MSH3: variants seen among roughly 807,000 people sequenced by gnomAD.
MSH3 encodes the protein mutS homolog 3.
Under a neutral mutation model 123.3 loss-of-function variants are expected in MSH3, and 106 were observed. That is an observed-to-expected ratio of 0.86 (90% CI 0.73 to 1.01). MSH3 has a LOEUF of 1.01. Among genes scored for constraint, MSH3 ranks in the 50% least tolerant of loss-of-function variants. MSH3 has a pLI of 0.00. For missense variants in MSH3, 1,459 were observed against 1,347.6 expected (o/e 1.08, Z -1.29); for synonymous variants, 515 against 481.4 (o/e 1.07, Z -0.91).
chr5:80,793,478 G>T (rs1034007037), intron 19 of MSH3, among the ~76,000 whole-genome samples: 3 of 152,198 alleles, frequency 2.0e-5, no homozygotes, highest in Non-Finnish European at 4.4e-5. Context: ...AGGAGACCAG[G>T]ATGGCCTGGG....
intron 19 of MSH3, among the ~76,000 whole-genome samples, chr5:80,804,855 G>GTT (rs141826035): frequency 0.03 from 4,554 of 152,298 alleles, 112 homozygotes; most frequent in South Asian, 0.14. Flanking sequence ...GGCTATCATT[G>GTT]TTTATACCAC....
intron 20 of MSH3, among the ~76,000 whole-genome samples, chr5:80,850,957 G>C (rs1431722492): frequency 6.6e-6 from 1 of 151,992 alleles, no homozygotes; most frequent in Admixed American, 6.6e-5. Context: ...CCTTTTTCTA[G>C]CAGACTCCTC....
At chr5:80,771,969 C>T (rs980639636) in intron 15 of MSH3, among the ~76,000 whole-genome samples, 25 of 151,912 alleles carry the variant, frequency 1.6e-4, no homozygotes, top group African/African-American at 5.3e-4. Flanking sequence ...ATGTAATGAA[C>T]GTATGTATGA....
intron 8 of MSH3, among the ~76,000 whole-genome samples, chr5:80,695,869 A>G (rs1186147398): frequency 6.6e-6 from 1 of 151,866 alleles, no homozygotes; most frequent in African/African-American, 2.4e-5. Flanking sequence ...TGGTATGATG[A>G]GTGATTTTTG....
chr5:80,809,833 A>G (rs1443507579), intron 19 of MSH3, among the ~76,000 whole-genome samples: 1 of 152,220 alleles, frequency 6.6e-6, no homozygotes, highest in African/African-American at 2.4e-5. Context: ...CCTAAATTAC[A>G]TAAATGTGTT....
intron 20 of MSH3, among the ~76,000 whole-genome samples, chr5:80,851,092 A>T (rs1229975532): frequency 6.6e-6 from 1 of 152,154 alleles, no homozygotes; most frequent in Non-Finnish European, 1.5e-5. Context: ...TTTTCATCAT[A>T]GTACTGTTTA....
At chr5:80,851,764 G>A (rs1469668057) in intron 20 of MSH3, among the ~76,000 whole-genome samples, 5 of 152,060 alleles carry the variant, frequency 3.3e-5, no homozygotes, top group Non-Finnish European at 4.4e-5. Flanking sequence ...GTTGGAATAT[G>A]GCTTATATAG....
intron 4 of MSH3, among the ~76,000 whole-genome samples, chr5:80,671,861 T>A (rs1749732937): frequency 6.6e-6 from 1 of 152,244 alleles, no homozygotes. Context: ...CTGCATACTC[T>A]GTAGTGTCTT....
rs180673741 is a variant in MSH3, at chr5:80,867,310, C to T, written c.3130+2368C>T. 3.3e-5 allele frequency among the ~76,000 whole-genome samples: 5 copies of T among 152,334 alleles called. No individual in the cohort carries two copies. The East Asian group carries it at 9.6e-4, about 29-fold the overall frequency. On this transcript the variant is annotated intron_variant, in intron 22 of 23. Transcript: ENST00000265081. ...ATCAGGCTAGTGACAATGACTGCAGCTCTTCCTGGCATCATGTCCAGAATG... is the reference window on the plus strand; with the variant it reads ...ATCAGGCTAGTGACAATGACTGCAGTTCTTCCTGGCATCATGTCCAGAATG...
chr5:80,697,632 G>A (rs540037348), intron 8 of MSH3, among the ~76,000 whole-genome samples: 130 of 152,242 alleles, frequency 8.5e-4, no homozygotes, highest in African/African-American at 3.1e-3. Context: ...TAAAGGCAAT[G>A]TGTGTCACAT....
chr5:80,805,752 G>A (rs540040368), intron 19 of MSH3, among the ~76,000 whole-genome samples: 9 of 151,520 alleles, frequency 5.9e-5, no homozygotes, highest in Admixed American at 2.0e-4. Context: ...GCGCCACCAC[G>A]AGCTCATTAT....
chr5:80,751,316 A>G (rs1743832677), intron 12 of MSH3, among the ~76,000 whole-genome samples: 1 of 152,220 alleles, frequency 6.6e-6, no homozygotes, highest in South Asian at 2.1e-4. Context: ...GAGTGGTGAC[A>G]TCATTAATGC....
intron 20 of MSH3, among the ~76,000 whole-genome samples, chr5:80,848,810 A>G (rs1478315952): frequency 2.0e-4 from 31 of 152,136 alleles, no homozygotes; most frequent in Admixed American, 2.0e-3. Context: ...AAACCATGTT[A>G]TTCCACCCCT....
Position 80,768,935 on chromosome 5 carries a change from C to G in MSH3, c.2185C>G (p.His729Asp), listed in dbSNP as rs145353158. 3.3e-5 allele frequency: 54 copies of G among 1,612,616 alleles called. No individual in the cohort carries two copies. Among genetic ancestry groups the G allele is most frequent in the Non-Finnish European group, 4.4e-5 (52 of 1,179,060 alleles). The change falls in exon 15 of 24, where the codon CAT (histidine) becomes GAT (aspartate). Residue 729 changes from histidine to aspartate, a missense_variant. His to Asp is a moderately conservative substitution (Grantham distance 81, BLOSUM62 -1). Transcript: ENST00000265081. ...IQGVIDEIRM[H>D]LQEIRKILKN... Reference sequence around the variant, plus strand: ...AGGTGTTATTGACGAGATCCGAATGCATTTGCAAGAAATACGAAAAATACT... The same window carrying G: ...AGGTGTTATTGACGAGATCCGAATGGATTTGCAAGAAATACGAAAAATACT...
chr5:80,848,122 A>T (rs1745757290), intron 20 of MSH3, among the ~76,000 whole-genome samples: 1 of 152,198 alleles, frequency 6.6e-6, no homozygotes, highest in African/African-American at 2.4e-5. Context: ...CCAGCTTCCC[A>T]GCAGGCTGAG....
intron 23 of MSH3, among the ~76,000 whole-genome samples, chr5:80,875,227 A>G (rs1305897796): frequency 6.6e-6 from 1 of 152,184 alleles, no homozygotes; most frequent in Non-Finnish European, 1.5e-5. Flanking sequence ...ACCCAGAGTC[A>G]CACAGCTACT....
At chr5:80,748,173 C>T (rs1201717348) in intron 12 of MSH3, among the ~76,000 whole-genome samples, 2 of 152,138 alleles carry the variant, frequency 1.3e-5, no homozygotes, top group Non-Finnish European at 2.9e-5. Flanking sequence ...CATTGTTTGT[C>T]AGTCATCCAT....
intron 7 of MSH3, among the ~76,000 whole-genome samples, chr5:80,676,030 T>C (rs1434564549): frequency 6.6e-6 from 1 of 152,170 alleles, no homozygotes; most frequent in Admixed American, 6.5e-5. Context: ...AATTATAGTT[T>C]TATTTATTTA....
At chr5:80,662,544 G>A (rs1749459157) in intron 2 of MSH3, among the ~76,000 whole-genome samples, 1 of 151,994 alleles carries the variant, frequency 6.6e-6, no homozygotes, top group African/African-American at 2.4e-5. Flanking sequence ...ATTTTATTTG[G>A]GGCGGGGCAC....
Sources: allele counts gnomAD v4.1 joint callset (sites outside exome capture counted in the v4.1 genomes callset), GRCh38; gene constraint gnomAD v4.1.1; transcripts MANE v1.5; gene names NCBI Gene and HGNC (gene_info 2026-07-23, HGNC 2026-07-21).